Variants in BLTP1 observed in about 807,000 individuals in gnomAD.
The protein encoded by BLTP1 is fragile site-associated protein.
chr4:122,168,792 A>G, the BLTP1 span, among the ~76,000 whole-genome samples: 1 of 152,176 alleles, frequency 6.6e-6, no homozygotes, highest in African/African-American at 2.4e-5. Context: ...AGGTTTTCAT[A>G]TCACTGTTAA....
the BLTP1 span, among the ~76,000 whole-genome samples, chr4:122,335,090 T>G: frequency 1.3e-5 from 2 of 151,920 alleles, no homozygotes; most frequent in African/African-American, 4.8e-5. Context: ...TGACTGGGGC[T>G]GAAACATCTG....
chr4:122,193,196 AGGTACTGGG>A, the BLTP1 span, among the ~76,000 whole-genome samples: 1 of 152,122 alleles, frequency 6.6e-6, no homozygotes, highest in Non-Finnish European at 1.5e-5. Context: ...TCACATTCTG[AGGTACTGGG>A]GGTTAGGACT....
the BLTP1 span, among the ~76,000 whole-genome samples, chr4:122,280,553 C>T: frequency 6.6e-6 from 1 of 151,236 alleles, no homozygotes; most frequent in Non-Finnish European, 1.5e-5. Flanking sequence ...ATCCCAACTA[C>T]TTGGGAGGCT....
chr4:122,249,176 T>C, the BLTP1 span: 1 of 613,742 alleles, frequency 1.6e-6, no homozygotes, highest in Non-Finnish European at 2.0e-6. Flanking sequence ...ATGATGAAAG[T>C]ATTTAAAACT....
the BLTP1 span, chr4:122,263,342 A>G: frequency 1.2e-5 from 17 of 1,431,888 alleles, no homozygotes; most frequent in Non-Finnish European, 1.5e-5. Flanking sequence ...ATCTGCAAAC[A>G]TACATTTTAA....
the BLTP1 span, among the ~76,000 whole-genome samples, chr4:122,194,965 G>A: frequency 1.3e-5 from 2 of 152,112 alleles, no homozygotes; most frequent in East Asian, 1.9e-4. Flanking sequence ...ACTAATGTGA[G>A]CAATATTTGT....
the BLTP1 span, chr4:122,269,697 G>T: frequency 1.1e-5 from 11 of 984,626 alleles, no homozygotes; most frequent in Non-Finnish European, 1.3e-5. Context: ...ACAGTTTCTT[G>T]TATGAATATG....
chr4:122,305,951 C>T, the BLTP1 span: 1 of 1,612,006 alleles, frequency 6.2e-7, no homozygotes, highest in Non-Finnish European at 8.5e-7. Flanking sequence ...GAAATGCCCT[C>T]CGAGAAGAAA....
At chr4:122,254,118 C>A in the BLTP1 span, 2 of 1,385,936 alleles carry the variant, frequency 1.4e-6, no homozygotes, top group East Asian at 4.6e-5. Context: ...AGGTTTTGCA[C>A]TTAAAACATT....
the BLTP1 span, chr4:122,267,638 GTCA>G: frequency 1.0e-6 from 1 of 977,978 alleles, no homozygotes. Context: ...TAGGGCAGAA[GTCA>G]TATTGAGAGT....
chr4:122,255,186 C>T, the BLTP1 span: 2 of 1,611,752 alleles, frequency 1.2e-6, no homozygotes, highest in Admixed American at 1.7e-5. Flanking sequence ...ACAAAAGTTG[C>T]TCGCTTTCTC....
At chr4:122,166,505 C>T in the BLTP1 span, among the ~76,000 whole-genome samples, 44 of 152,140 alleles carry the variant, frequency 2.9e-4, 1 homozygote, top group East Asian at 1.2e-3. Flanking sequence ...AGTCAGGTAC[C>T]GTGATGCCTC....
the BLTP1 span, among the ~76,000 whole-genome samples, chr4:122,172,712 C>T: frequency 1.3e-5 from 2 of 152,054 alleles, no homozygotes; most frequent in Non-Finnish European, 2.9e-5. Context: ...GAGTTTTTGG[C>T]CTAATAAAGG....
chr4:122,211,006 C>T, the BLTP1 span: 3 of 1,611,788 alleles, frequency 1.9e-6, no homozygotes, highest in Middle Eastern at 1.6e-4. Context: ...AGAACTTCCA[C>T]CTGATAAACT....
the BLTP1 span, chr4:122,236,950 A>G: frequency 1.0e-6 from 1 of 985,336 alleles, no homozygotes; most frequent in Non-Finnish European, 1.2e-6. Context: ...TGTCAGGATA[A>G]AATCAAGGAG....
the BLTP1 span, chr4:122,347,469 G>T: frequency 1.9e-6 from 3 of 1,568,570 alleles, no homozygotes; most frequent in South Asian, 3.6e-5. Flanking sequence ...ATAACATAGG[G>T]ATTTTACCCT....
the BLTP1 span, among the ~76,000 whole-genome samples, chr4:122,288,381 TTAAA>T: frequency 5.3e-5 from 8 of 152,194 alleles, no homozygotes; most frequent in Non-Finnish European, 4.4e-5. Flanking sequence ...ATATATTTGA[TTAAA>T]TAAATCTATT....
the BLTP1 span, chr4:122,176,022 C>A: frequency 1.6e-6 from 1 of 632,928 alleles, no homozygotes; most frequent in East Asian, 3.0e-5. Context: ...AATTTTTAGG[C>A]CAGTCACGGT....
At chr4:122,311,482 T>A in the BLTP1 span, among the ~76,000 whole-genome samples, 1 of 152,110 alleles carries the variant, frequency 6.6e-6, no homozygotes, top group Non-Finnish European at 1.5e-5. Context: ...TTATTAGTAA[T>A]AAGTATACCT....
Sources: gnomAD v4.1 joint callset for allele counts (sites outside exome capture counted in the v4.1 genomes callset) on GRCh38, gnomAD v4.1.1 for gene constraint, MANE v1.5 for transcripts, NCBI Gene and HGNC (gene_info 2026-07-23, HGNC 2026-07-21) for gene names.